The following ARHGAP6 variants were observed in gnomAD, a reference collection of about 807,000 sequenced individuals.
The protein encoded by ARHGAP6 is rho GTPase-activating protein 6.
In ARHGAP6, 16 loss-of-function variants were observed where a neutral mutation model predicts 55.7. The observed-to-expected ratio is 0.29, with a 90% CI of 0.19 to 0.44. The LOEUF is 0.44. Ranked by LOEUF, ARHGAP6 falls within the 20% of genes least tolerant of loss-of-function variation. The probability of loss-of-function intolerance (pLI) is 1.00; values close to 1 mark genes in which losing one functional copy is unlikely to be tolerated. For missense variants in ARHGAP6, 698 were observed against 808.9 expected, an observed-to-expected ratio of 0.86 and a Z score of 1.66; for synonymous variants, 382 against 360.9, an observed-to-expected ratio of 1.06 and a Z score of -0.66.
chrX:11,601,107 A>C (rs2051965357), intron 1 of ARHGAP6, among the ~76,000 whole-genome samples: 1 of 112,039 alleles, frequency 8.9e-6, no homozygotes, highest in African/African-American at 3.2e-5. Flanking sequence ...GGAATGGTGA[A>C]TGTTAAGCAC....
chrX:11,489,067 T>C (rs1015599346), intron 1 of ARHGAP6, among the ~76,000 whole-genome samples: 6 of 112,393 alleles, frequency 5.3e-5, no homozygotes, highest in Non-Finnish European at 1.1e-4. Flanking sequence ...TTATGAGAAG[T>C]TCCTAATGAA....
chrX:11,158,597 A>G (rs2045897342), intron 9 of ARHGAP6, among the ~76,000 whole-genome samples: 1 of 112,494 alleles, frequency 8.9e-6, no homozygotes, highest in Admixed American at 9.4e-5. Context: ...TGGTTGTCAG[A>G]ATGCCATGGT....
intron 1 of ARHGAP6, among the ~76,000 whole-genome samples, chrX:11,542,468 C>T (rs2051168170): frequency 9.7e-6 from 1 of 103,488 alleles, no homozygotes; most frequent in South Asian, 4.6e-4. Flanking sequence ...AAGTGAGACA[C>T]CACCTCGATA....
intron 1 of ARHGAP6, among the ~76,000 whole-genome samples, chrX:11,550,739 G>A (rs1026078090): frequency 1.8e-5 from 2 of 112,245 alleles, no homozygotes; most frequent in African/African-American, 6.5e-5. Context: ...GCATGTTAAT[G>A]TAATCAGATG....
At chrX:11,411,183 T>TTATATATATA (rs201875323) in intron 1 of ARHGAP6, among the ~76,000 whole-genome samples, 830 of 31,647 alleles carry the variant, frequency 0.026, 34 homozygotes, top group East Asian at 0.051. Context: ...CAGACATTAT[T>TTATATATATA]TATATATATA....
rs149891654 is a variant in ARHGAP6 at position 11,651,408 on chromosome X, G to C, written c.588+12833C>G. 7.1e-3 allele frequency among the ~76,000 whole-genome samples: 797 copies of C among 111,605 alleles called. 7 individuals are homozygous for C. The highest frequency in any genetic ancestry group is 0.025 in the African/African-American group (760 of 30,683). On this transcript the variant is annotated intron_variant, in intron 1 of 12. Transcript: ENST00000337414. ...TGATGGTATTTGGTTTTCTGTTCCT[G>C]TGTGAGTTTGCTAAGGATAATGGTC...
At chrX:11,272,353 G>A (rs758858350) in intron 1 of ARHGAP6, among the ~76,000 whole-genome samples, 5 of 111,112 alleles carry the variant, frequency 4.5e-5, no homozygotes, top group African/African-American at 1.3e-4. Flanking sequence ...TCCAGGTTGA[G>A]AACCATTGTA....
At chrX:11,595,746 C>A (rs1469686713) in intron 1 of ARHGAP6, among the ~76,000 whole-genome samples, 1 of 111,778 alleles carries the variant, frequency 8.9e-6, no homozygotes, top group Non-Finnish European at 1.9e-5. Context: ...AAAAAACCAT[C>A]AAAAAGTGGG....
At chrX:11,473,543 A>G (rs978332965) in intron 1 of ARHGAP6, among the ~76,000 whole-genome samples, 16 of 111,315 alleles carry the variant, frequency 1.4e-4, no homozygotes, top group African/African-American at 5.2e-4. Flanking sequence ...GGAGGCAGAG[A>G]CTGGAGTCAT....
At chrX:11,627,050 A>G (rs1390681224) in intron 1 of ARHGAP6, among the ~76,000 whole-genome samples, 1 of 111,751 alleles carries the variant, frequency 8.9e-6, no homozygotes, top group Non-Finnish European at 1.9e-5. Flanking sequence ...GAAAGTAAAC[A>G]TACCATACAA....
At chrX:11,488,207 A>C (rs1281578372) in intron 1 of ARHGAP6, among the ~76,000 whole-genome samples, 1 of 111,898 alleles carries the variant, frequency 8.9e-6, no homozygotes, top group Non-Finnish European at 1.9e-5. Context: ...GATTACTTAG[A>C]CAATTAGTTA....
chrX:11,170,899 G>A (rs917580769), intron 8 of ARHGAP6, among the ~76,000 whole-genome samples: 1 of 111,094 alleles, frequency 9.0e-6, no homozygotes, highest in Non-Finnish European at 1.9e-5. Flanking sequence ...AAATGACAGG[G>A]GAGTTTCAAG....
At position 11,400,851 on chromosome X, in the gene ARHGAP6, T is replaced by C. The variant is rs188230162; in HGVS notation, c.589-146144A>G. Among the ~76,000 whole-genome samples, 298 of 112,245 alleles carry C rather than the reference T, an allele frequency of 2.7e-3. 2 individuals are homozygous for C. Among genetic ancestry groups the C allele is most frequent in the Non-Finnish European group, 2.7e-3 (146 of 53,237 alleles). On this transcript the variant is annotated intron_variant, in intron 1 of 12. Coordinates refer to ENST00000337414, the MANE Select transcript of ARHGAP6 (RefSeq NM_013427.3). ...CTGAGTTTCAAGAAGGACATGAATG[T>C]CAACTTCTAGTCATGTAAATAGAAT...
intron 9 of ARHGAP6, among the ~76,000 whole-genome samples, chrX:11,161,578 G>A (rs1014259790): frequency 3.6e-5 from 4 of 109,869 alleles, no homozygotes; most frequent in Non-Finnish European, 5.7e-5. Context: ...GGGGTGTTAC[G>A]GGAATCAAAA....
chrX:11,643,475 CAAGT>C (rs1447981847), intron 1 of ARHGAP6, among the ~76,000 whole-genome samples: 70 of 111,704 alleles, frequency 6.3e-4, no homozygotes, highest in East Asian at 8.4e-4. Context: ...TAACTTACAC[CAAGT>C]AATATCTGTT....
chrX:11,354,459 T>C (rs755729454), intron 1 of ARHGAP6, among the ~76,000 whole-genome samples: 5 of 106,146 alleles, frequency 4.7e-5, no homozygotes, highest in Non-Finnish European at 7.7e-5. Flanking sequence ...CTACTGATTA[T>C]AAAATTTTAG....
At chrX:11,541,912 T>G (rs2051161564) in intron 1 of ARHGAP6, among the ~76,000 whole-genome samples, 1 of 112,371 alleles carries the variant, frequency 8.9e-6, no homozygotes, top group African/African-American at 3.2e-5. Context: ...AAAATGTCAG[T>G]TGAACTGGAC....
rs748783518 is a variant in ARHGAP6 at position 11,664,335 on chromosome X, C to T, written c.494G>A (p.Gly165Asp). The T allele has an allele frequency of 3.3e-6, 4 of 1,212,093 alleles. No individual in the cohort carries two copies. Among genetic ancestry groups the T allele is most frequent in the South Asian group, 3.5e-5 (2 of 57,003 alleles). ...CCACCTCCTAGGAGAAGCGAAGATG[C>T]CATTGGGGCCTCCCCCGGATGAACA... ...ILCSSGGGPNGIFASPRRWLQ... is the reference protein window; with the variant it reads ...ILCSSGGGPNDIFASPRRWLQ... Residue 165 changes from glycine (G) to aspartate (D), a missense_variant, in exon 1 of 13, where the codon GGC (glycine) becomes GAC (aspartate). Physicochemically the swap from Gly to Asp is moderately conservative, Grantham distance 94 (BLOSUM62 -1). Around this residue, in one of 3 missense-constraint regions of ARHGAP6, gnomAD observed 164 missense variants for 149.2 expected, o/e 1.10. Coordinates refer to ENST00000337414, the MANE Select transcript of ARHGAP6 (RefSeq NM_013427.3).
intron 1 of ARHGAP6, among the ~76,000 whole-genome samples, chrX:11,288,161 T>C (rs2047944492): frequency 8.9e-6 from 1 of 112,861 alleles, no homozygotes; most frequent in Non-Finnish European, 1.9e-5. Context: ...ATATCCATTG[T>C]TCATAGTTGC....
Sources: gnomAD v4.1 joint callset for allele counts (sites outside exome capture counted in the v4.1 genomes callset) on GRCh38, gnomAD v4.1.1 for gene constraint, gnomAD v4.1.1 regional missense constraint, MANE v1.5 for transcripts, NCBI Gene and HGNC (gene_info 2026-07-23, HGNC 2026-07-21) for gene names.